NOVA1: variants seen among roughly 807,000 people sequenced by gnomAD.
NOVA1 encodes RNA-binding protein Nova-1.
NOVA1 carries 7 observed loss-of-function variants against 38.0 expected under a neutral mutation model. That is an observed-to-expected ratio of 0.18 (90% CI 0.10 to 0.35). The LOEUF is 0.35. Ranked by LOEUF, NOVA1 falls within the 10% of genes least tolerant of loss-of-function variation. The pLI is 1.00. For synonymous variants in NOVA1, 270 were observed against 232.5 expected, an observed-to-expected ratio of 1.16 and a Z score of -1.47; for missense variants, 460 against 616.0, an observed-to-expected ratio of 0.75 and a Z score of 2.68.
At chr14:26,514,403 T>C (rs1012466226) in intron 2 of NOVA1, among the ~76,000 whole-genome samples, 7 of 151,850 alleles carry the variant, frequency 4.6e-5, no homozygotes, top group African/African-American at 1.7e-4. Context: ...ATATGAATGT[T>C]AATATTTCAT....
intron 2 of NOVA1, among the ~76,000 whole-genome samples, chr14:26,503,661 A>G (rs934806497): frequency 3.9e-5 from 6 of 152,112 alleles, no homozygotes; most frequent in Non-Finnish European, 5.9e-5. Context: ...AACAATTAGA[A>G]AAGTATACAG....
chr14:26,582,134 A>T (rs1950412), intron 2 of NOVA1, among the ~76,000 whole-genome samples: 53,541 of 151,750 alleles, frequency 0.35, 11,613 homozygotes, highest in African/African-American at 0.61. Context: ...AAACACAGAA[A>T]TTGCAAAAGA....
chr14:26,463,549 G>A (rs1175402900), intron 4 of NOVA1, among the ~76,000 whole-genome samples: 1 of 152,076 alleles, frequency 6.6e-6, no homozygotes, highest in Non-Finnish European at 1.5e-5. Flanking sequence ...ATGAACCTAG[G>A]AGTTCTTTGT....
chr14:26,534,664 C>T (rs1296498959), intron 2 of NOVA1, among the ~76,000 whole-genome samples: 1 of 152,076 alleles, frequency 6.6e-6, no homozygotes, highest in Non-Finnish European at 1.5e-5. Flanking sequence ...TCACATAATA[C>T]ACACACCCTA....
intron 4 of NOVA1, among the ~76,000 whole-genome samples, chr14:26,451,470 C>T (rs1052163331): frequency 7.9e-5 from 12 of 152,016 alleles, no homozygotes; most frequent in East Asian, 3.9e-4. Context: ...CGGGTTCAAG[C>T]GATTCTCCTG....
chr14:26,526,648 C>T (rs1325494402), intron 2 of NOVA1, among the ~76,000 whole-genome samples: 1 of 152,084 alleles, frequency 6.6e-6, no homozygotes, highest in African/African-American at 2.4e-5. Flanking sequence ...TAATTAGCTA[C>T]ATTTTATCTG....
At chr14:26,470,396 A>C (rs1008143926) in intron 4 of NOVA1, 36 of 1,520,658 alleles carry the variant, frequency 2.4e-5, no homozygotes, top group Non-Finnish European at 3.3e-5. Context: ...TAATAATATG[A>C]AAGATTGATG....
chr14:26,454,977 C>A (rs547602789), intron 4 of NOVA1, among the ~76,000 whole-genome samples: 31 of 152,026 alleles, frequency 2.0e-4, no homozygotes, highest in Non-Finnish European at 3.7e-4. Flanking sequence ...GGTATCCTTT[C>A]GATTACAGAC....
intron 2 of NOVA1, among the ~76,000 whole-genome samples, chr14:26,563,637 T>C (rs1324273442): frequency 6.6e-6 from 1 of 152,076 alleles, no homozygotes; most frequent in African/African-American, 2.4e-5. Flanking sequence ...CATAAGCTTA[T>C]ATTCAATTAA....
intron 2 of NOVA1, among the ~76,000 whole-genome samples, chr14:26,500,889 T>G (rs1273045): frequency 0.92 from 140,381 of 151,936 alleles, 65,678 homozygotes; most frequent in East Asian, 1. Flanking sequence ...ATGAAAAAAA[T>G]ATATCTCTGG....
rs2138544513 is a variant in NOVA1 at position 26,447,687 on chromosome 14, A to G, written c.*272T>C. On this transcript the variant is annotated 3_prime_UTR_variant, in exon 5 of 5. Coordinates refer to ENST00000539517, the MANE Select transcript of NOVA1 (RefSeq NM_002515.3). ...TCATTAAACTACAATAATGCTGGTA[A>G]AATGGCAGGCTTAAATCTTACACTA... 1 of 465,552 alleles carries G rather than the reference A, an allele frequency of 2.1e-6. No homozygotes were observed. Among genetic ancestry groups the G allele is most frequent in the Non-Finnish European group, 3.8e-6 (1 of 260,868 alleles). The allele number at this position is 465,552 out of a possible 1,614,324, so 28.8% of individuals were successfully genotyped here.
chr14:26,538,144 G>C (rs969690909), intron 2 of NOVA1, among the ~76,000 whole-genome samples: 6 of 152,052 alleles, frequency 3.9e-5, no homozygotes, highest in African/African-American at 1.4e-4. Context: ...AATTAATAAG[G>C]CCTTTCAAAT....
rs370263693 is a variant in NOVA1 at position 26,535,680 on chromosome 14, G to A, written c.281-55537C>T. Among the ~76,000 whole-genome samples, 14 of 152,192 alleles carry A rather than the reference G, an allele frequency of 9.2e-5. No homozygotes were observed. In the South Asian group the frequency reaches 1.5e-3, roughly 16 times the overall value. ...ATAAAGAAAATGTGGTACATAGGCC[G>A]GGCGTGGTGGCTCACGCCTGTAATC... On this transcript the variant is annotated intron_variant, in intron 2 of 4. Transcript: ENST00000539517.
chr14:26,493,362 G>C (rs1199701311), intron 2 of NOVA1, among the ~76,000 whole-genome samples: 1 of 152,156 alleles, frequency 6.6e-6, no homozygotes. Flanking sequence ...GAATATTACA[G>C]ATCTATGTTT....
At chr14:26,567,632 G>A (rs1892216710) in intron 2 of NOVA1, among the ~76,000 whole-genome samples, 2 of 151,984 alleles carry the variant, frequency 1.3e-5, no homozygotes, top group South Asian at 4.1e-4. Flanking sequence ...AGTGGTTAGA[G>A]CATCCCAATC....
chr14:26,584,530 A>C (rs1893404623), intron 2 of NOVA1, among the ~76,000 whole-genome samples: 1 of 151,208 alleles, frequency 6.6e-6, no homozygotes, highest in African/African-American at 2.4e-5. Flanking sequence ...CTTCTTTTTC[A>C]TATGCACTAG....
At chr14:26,494,243 G>C (rs1594397908) in intron 2 of NOVA1, among the ~76,000 whole-genome samples, 1 of 152,218 alleles carries the variant, frequency 6.6e-6, no homozygotes, top group East Asian at 1.9e-4. Context: ...TTGTCTCTTA[G>C]GCAAAATTAG....
intron 2 of NOVA1, among the ~76,000 whole-genome samples, chr14:26,562,481 C>G (rs1202611745): frequency 1.3e-5 from 2 of 152,112 alleles, no homozygotes; most frequent in Admixed American, 6.6e-5. Context: ...ACTCCACTCC[C>G]TTCTGAAACA....
chr14:26,491,043 G>T (rs916165816), intron 2 of NOVA1, among the ~76,000 whole-genome samples: 2 of 151,870 alleles, frequency 1.3e-5, no homozygotes, highest in African/African-American at 4.8e-5. Flanking sequence ...GTAGAGACGG[G>T]GTTTCACCGT....
Sources: gnomAD v4.1 joint callset for allele counts (sites outside exome capture counted in the v4.1 genomes callset) on GRCh38, gnomAD v4.1.1 for gene constraint, MANE v1.5 for transcripts, NCBI Gene and HGNC (gene_info 2026-07-23, HGNC 2026-07-21) for gene names.